Variants in KCNQ1OT1 observed in about 807,000 individuals in gnomAD.
The protein encoded by KCNQ1OT1 is KCNQ1 antisense RNA 2 (non-protein coding).
rs1850182658 is a variant in KCNQ1OT1, at chr11:2,671,481, T to G, written n.28514A>C. ...CCAGCAGGGGATATACACAAAGATC[T>G]GAGAAAGGGATTATTTTTAGGGCCA... On this transcript the variant is annotated non_coding_transcript_exon_variant, in exon 1 of 1. Transcript: ENST00000597346. This position sits in a 1 kb window ranked among gnomAD's most constrained non-coding sequence, Gnocchi z 4.7. 2 of 398,474 alleles carry G rather than the reference T, an allele frequency of 5.0e-6. No individual in the cohort carries two copies. The highest frequency in any genetic ancestry group is 8.8e-5 in the Admixed American group (2 of 22,716). 24.7% of individuals were successfully genotyped at this position (398,474 alleles called of 1,614,324 possible).
Position 2,617,469 on chromosome 11 carries a change from A to G in KCNQ1OT1, n.82526T>C, listed in dbSNP as rs1293875253. 1.3e-5 allele frequency: 5 copies of G among 398,356 alleles called. No individual in the cohort carries two copies. The highest frequency in any genetic ancestry group is 8.2e-5 in the African/African-American group (4 of 48,626). 24.7% of individuals were successfully genotyped at this position (398,356 alleles called of 1,614,324 possible). On this transcript the variant is annotated non_coding_transcript_exon_variant, in exon 1 of 1. Coordinates refer to ENST00000597346, the Ensembl canonical transcript of KCNQ1OT1. This position sits in a 1 kb window ranked among gnomAD's most constrained non-coding sequence, Gnocchi z 4.6. ...CACACCACAGTTTAGTCATCCATCA[A>G]TGGACACGTAAGTTTTCATATCGTG...
exon 1 of KCNQ1OT1, chr11:2,665,010 T>C: frequency 2.5e-6 from 1 of 398,590 alleles, no homozygotes; most frequent in Non-Finnish European, 4.4e-6. Flanking sequence ...CGGGGCCTGT[T>C]AGCCAGAGGT....
exon 1 of KCNQ1OT1, chr11:2,667,948 G>A: frequency 2.5e-6 from 1 of 398,690 alleles, no homozygotes. Context: ...GGAAGCAACA[G>A]AACCCCCAGA....
Position 2,653,803 on chromosome 11 carries a change from G to C in KCNQ1OT1, n.46192C>G. Reference sequence around the variant, plus strand: ...TGGACCTGCAGCTGTACCTCCGATGGCTGAGGCAAGGTCCACAGGGACCCC... The same window carrying C: ...TGGACCTGCAGCTGTACCTCCGATGCCTGAGGCAAGGTCCACAGGGACCCC... On this transcript the variant is annotated non_coding_transcript_exon_variant, in exon 1 of 1. Coordinates refer to ENST00000597346, the Ensembl canonical transcript of KCNQ1OT1. This position sits in a 1 kb window ranked among gnomAD's most constrained non-coding sequence, Gnocchi z 5.3. 2.5e-6 allele frequency: 1 copy of C among 398,642 alleles called. No homozygotes were observed. Among genetic ancestry groups the C allele is most frequent in the East Asian group, 3.6e-5 (1 of 28,068 alleles). The allele number at this position is 398,642 out of a possible 1,614,324, so 24.7% of individuals were successfully genotyped here. A position where few individuals can be genotyped will look rare whatever the true frequency, so the allele number is the denominator to read the frequency against.
chr11:2,661,818 A>G lies in KCNQ1OT1; in HGVS notation n.38177T>C. On this transcript the variant is annotated non_coding_transcript_exon_variant, in exon 1 of 1. Transcript: ENST00000597346. The surrounding 1 kb of genome is among the most constrained non-coding windows in gnomAD (Gnocchi z 5.9). ...AAACACCCACCCACCCCAACACCCA[A>G]CTATAAAACTGATTGTCAGGGCTGG... The G allele has an allele frequency of 1.9e-6, 2 of 1,036,532 alleles. No individual in the cohort carries two copies. The highest frequency in any genetic ancestry group is 2.9e-6 in the Non-Finnish European group (2 of 681,420). 64.2% of individuals were successfully genotyped at this position (1,036,532 alleles called of 1,614,324 possible).
chr11:2,648,787 C>A (rs1849707078), exon 1 of KCNQ1OT1: 1 of 398,416 alleles, frequency 2.5e-6, no homozygotes, highest in South Asian at 1.3e-4. Context: ...AATGAATTGT[C>A]CAATGCTGAG....
chr11:2,693,015 G>A (rs769542236), exon 1 of KCNQ1OT1: 6 of 398,540 alleles, frequency 1.5e-5, no homozygotes, highest in Non-Finnish European at 2.2e-5. Flanking sequence ...CACGCTCAGT[G>A]AAGGAACAGG....
exon 1 of KCNQ1OT1, chr11:2,672,686 C>T (rs1850208097): frequency 2.5e-6 from 1 of 398,770 alleles, no homozygotes; most frequent in Non-Finnish European, 4.4e-6. Flanking sequence ...TGGACACAGC[C>T]AGCTGATGGC....
At position 2,678,429 on chromosome 11, in the gene KCNQ1OT1, A is replaced by G; in HGVS notation, n.21566T>C. The G allele has an allele frequency of 2.5e-6, 1 of 398,602 alleles. No homozygotes were observed. The highest frequency in any genetic ancestry group is 4.4e-6 in the Non-Finnish European group (1 of 226,060). The allele number at this position is 398,602 out of a possible 1,614,324, so 24.7% of individuals were successfully genotyped here. A position where few individuals can be genotyped will look rare whatever the true frequency, so the allele number is the denominator to read the frequency against. ...TGTCCAACACTATTTATTTGAGTAC[A>G]TCATCATCTCTCTACTAATTTCAAC... On this transcript the variant is annotated non_coding_transcript_exon_variant, in exon 1 of 1. Transcript: ENST00000597346. This position sits in a 1 kb window ranked among gnomAD's most constrained non-coding sequence, Gnocchi z 4.9.
chr11:2,693,437 G>A, exon 1 of KCNQ1OT1: 1 of 398,656 alleles, frequency 2.5e-6, no homozygotes. Flanking sequence ...CCAGGCGCTG[G>A]CCCCCCATCG....
At position 2,674,405 on chromosome 11, in the gene KCNQ1OT1, G is replaced by A. The variant is rs1850250978; in HGVS notation, n.25590C>T. 2.5e-6 allele frequency: 1 copy of A among 398,468 alleles called. No individual in the cohort carries two copies. Among genetic ancestry groups the A allele is most frequent in the East Asian group, 3.6e-5 (1 of 28,036 alleles). The allele number at this position is 398,468 out of a possible 1,614,324, so 24.7% of individuals were successfully genotyped here. A position where few individuals can be genotyped will look rare whatever the true frequency, so the allele number is the denominator to read the frequency against. On this transcript the variant is annotated non_coding_transcript_exon_variant, in exon 1 of 1. Transcript: ENST00000597346. This position sits in a 1 kb window ranked among gnomAD's most constrained non-coding sequence, Gnocchi z 5.9. The stretch of plus-strand genomic sequence containing the variant: ...GGAAGGTGCATGCGTGCGTGTGTGT[G>A]TGCGCGCCCGCGCGCACACGACCAC...
At chr11:2,619,732 A>T (rs1849132924) in exon 1 of KCNQ1OT1, 1 of 395,198 alleles carries the variant, frequency 2.5e-6, no homozygotes. Flanking sequence ...TTTTGGAAGT[A>T]TTCCCTATAG....
In KCNQ1OT1 at chr11:2,691,478, C is replaced by T. The variant is rs1286614694; in HGVS notation, n.8517G>A. ...GATGTTGACAGCCTCTTTGTTTTTT[C>T]ATCTCAGCCTATTCAAGGCCATTTT... On this transcript the variant is annotated non_coding_transcript_exon_variant, in exon 1 of 1. Coordinates refer to ENST00000597346, the Ensembl canonical transcript of KCNQ1OT1. This position sits in a 1 kb window ranked among gnomAD's most constrained non-coding sequence, Gnocchi z 6.4. 5.0e-6 allele frequency: 2 copies of T among 398,410 alleles called. No individual in the cohort carries two copies. The highest frequency in any genetic ancestry group is 8.8e-6 in the Non-Finnish European group (2 of 226,040). The allele number at this position is 398,410 out of a possible 1,614,324, so 24.7% of individuals were successfully genotyped here.
At chr11:2,639,410 T>G (rs1279245888) in exon 1 of KCNQ1OT1, 1 of 152,254 alleles carries the variant, frequency 6.6e-6, no homozygotes, top group African/African-American at 2.4e-5. Flanking sequence ...TCCTTTCTGT[T>G]TGTTAGTTTT....
chr11:2,671,437 T>C lies in KCNQ1OT1; in HGVS notation n.28558A>G, dbSNP rs907492728. 5.0e-6 allele frequency: 2 copies of C among 398,482 alleles called. No homozygotes were observed. Among genetic ancestry groups the C allele is most frequent in the African/African-American group, 2.1e-5 (1 of 48,624 alleles). The allele number at this position is 398,482 out of a possible 1,614,324, so 24.7% of individuals were successfully genotyped here. A position where few individuals can be genotyped will look rare whatever the true frequency, so the allele number is the denominator to read the frequency against. ...TGTGCACCCAGAGATTCTCCCACTT[T>C]AGCAGGCAGAAGAGCAACCCAGCAG... On this transcript the variant is annotated non_coding_transcript_exon_variant, in exon 1 of 1. Coordinates refer to ENST00000597346, the Ensembl canonical transcript of KCNQ1OT1. This position sits in a 1 kb window ranked among gnomAD's most constrained non-coding sequence, Gnocchi z 4.7.
At chr11:2,665,579 C>T (rs574022112) in exon 1 of KCNQ1OT1, 3 of 396,064 alleles carry the variant, frequency 7.6e-6, no homozygotes, top group South Asian at 1.3e-4. Flanking sequence ...ATCTTTCCAA[C>T]GTCTGCTCAG....
In KCNQ1OT1 at chr11:2,647,302, T is replaced by C. The variant is rs1849681530; in HGVS notation, n.52693A>G. 2.5e-6 allele frequency: 1 copy of C among 398,468 alleles called. No individual in the cohort carries two copies. The highest frequency in any genetic ancestry group is 1.3e-4 in the South Asian group (1 of 7,838). The allele number at this position is 398,468 out of a possible 1,614,324, so 24.7% of individuals were successfully genotyped here. On this transcript the variant is annotated non_coding_transcript_exon_variant, in exon 1 of 1. Transcript: ENST00000597346. This position sits in a 1 kb window ranked among gnomAD's most constrained non-coding sequence, Gnocchi z 4.0. ...TTATTGATTTGTATATGTTGAACCA[T>C]CCTTGAATCCCTGGGATAAATCCCA... is the stretch of plus-strand genomic sequence containing the variant.
In KCNQ1OT1 at chr11:2,652,769, C is replaced by T; in HGVS notation, n.47226G>A. The T allele has an allele frequency of 5.0e-6, 2 of 399,126 alleles. No individual in the cohort carries two copies. The highest frequency in any genetic ancestry group is 6.3e-4 in the Middle Eastern group (1 of 1,594). 24.7% of individuals were successfully genotyped at this position (399,126 alleles called of 1,614,324 possible). On this transcript the variant is annotated non_coding_transcript_exon_variant, in exon 1 of 1. Coordinates refer to ENST00000597346, the Ensembl canonical transcript of KCNQ1OT1. This position sits in a 1 kb window ranked among gnomAD's most constrained non-coding sequence, Gnocchi z 5.9. ...CCTGGCTCTGTCACTGCCTGTCTTCCTCAGCGCCCCCGCTACTCAGACCCC... is the reference window on the plus strand; with the variant it reads ...CCTGGCTCTGTCACTGCCTGTCTTCTTCAGCGCCCCCGCTACTCAGACCCC...
At position 2,674,584 on chromosome 11, in the gene KCNQ1OT1, G is replaced by GT. The variant is rs756556452; in HGVS notation, n.25410dup. 1.9e-4 allele frequency: 75 copies of GT among 398,506 alleles called. 1 individual carries two copies. The highest frequency in any genetic ancestry group is 1.2e-3 in the Middle Eastern group (2 of 1,610). 24.7% of individuals were successfully genotyped at this position (398,506 alleles called of 1,614,324 possible). A position where few individuals can be genotyped will look rare whatever the true frequency, so the allele number is the denominator to read the frequency against. The stretch of plus-strand genomic sequence containing the variant: ...AGTGAATCTGAAGCATGCTAGTTGT[G>GT]TTGCCTTTTAAATAGGCTCTGGCTT... On this transcript the variant is annotated non_coding_transcript_exon_variant, in exon 1 of 1. Transcript: ENST00000597346. The surrounding 1 kb of genome is among the most constrained non-coding windows in gnomAD (Gnocchi z 5.9).
Sources: allele counts gnomAD v4.1 joint callset, GRCh38; gene constraint gnomAD v4.1.1; non-coding constraint Gnocchi (gnomAD v3.1); transcripts MANE v1.5; gene names NCBI Gene and HGNC (gene_info 2026-07-23, HGNC 2026-07-21).